OR2L13: variants seen among roughly 807,000 people sequenced by gnomAD.
OR2L13 encodes olfactory receptor 2L13.
A neutral mutation model predicts 15.3 loss-of-function variants in OR2L13; 14 were observed. The observed-to-expected ratio is 0.91, with a 90% confidence interval of 0.60 to 1.43. The LOEUF (loss-of-function observed/expected upper bound fraction) is 1.43, where lower values mean the gene tolerates loss of function less well. Among genes scored for constraint, OR2L13 ranks in the 40% most tolerant of loss-of-function variants. The pLI is 0.00. For synonymous variants in OR2L13, 152 were observed against 142.9 expected (o/e 1.06, Z -0.45); for missense variants, 367 against 387.9 (o/e 0.95, Z 0.45).
At chr1:248,051,484 C>G in the OR2L13 span, among the ~76,000 whole-genome samples, 1 of 152,064 alleles carries the variant, frequency 6.6e-6, no homozygotes. Context: ...GATGCAAAAA[C>G]AGAATAACAA....
the OR2L13 span, among the ~76,000 whole-genome samples, chr1:247,951,667 G>A: frequency 1.3e-5 from 2 of 152,192 alleles, no homozygotes; most frequent in Non-Finnish European, 2.9e-5. Flanking sequence ...GCAATGAGCA[G>A]TGTATATTTT....
chr1:248,010,155 G>T, the OR2L13 span, among the ~76,000 whole-genome samples: 2 of 152,160 alleles, frequency 1.3e-5, no homozygotes, highest in Admixed American at 6.5e-5. Flanking sequence ...AGTATTGGAA[G>T]TAGTGGCCAA....
intron 2 of OR2L13, among the ~76,000 whole-genome samples, 170 bp downstream of exon 2, chr1:248,098,945 A>G (rs1190025884): frequency 6.6e-6 from 1 of 152,372 alleles, no homozygotes; most frequent in African/African-American, 2.4e-5. Context: ...AAAAAGCTAG[A>G]CAAACTTTCC....
At chr1:248,010,890 C>T in the OR2L13 span, among the ~76,000 whole-genome samples, 3 of 146,322 alleles carry the variant, frequency 2.1e-5, no homozygotes, top group Admixed American at 7.0e-5. Context: ...ACCAATAGGT[C>T]TTGACTCTTT....
chr1:247,989,432 T>C, the OR2L13 span, among the ~76,000 whole-genome samples: 7 of 152,322 alleles, frequency 4.6e-5, no homozygotes, highest in Non-Finnish European at 8.8e-5. Context: ...GTTGCATGCA[T>C]ATGTTTTAAG....
the OR2L13 span, chr1:247,974,712 G>A: frequency 8.6e-6 from 2 of 232,388 alleles, no homozygotes; most frequent in South Asian, 8.4e-5. Context: ...TCTTTCTGCC[G>A]CCCTGCAGGA....
the OR2L13 span, among the ~76,000 whole-genome samples, chr1:248,052,033 C>A: frequency 1.3e-5 from 2 of 152,116 alleles, no homozygotes; most frequent in Non-Finnish European, 1.5e-5. Context: ...TTTTTACTTA[C>A]AATTTTTTCA....
the OR2L13 span, among the ~76,000 whole-genome samples, chr1:248,080,224 A>G: frequency 6.6e-6 from 1 of 152,196 alleles, no homozygotes; most frequent in Non-Finnish European, 1.5e-5. Flanking sequence ...ATGTAAATAA[A>G]TTGCACTTTG....
chr1:247,960,178 G>T, the OR2L13 span, among the ~76,000 whole-genome samples: 1 of 152,200 alleles, frequency 6.6e-6, no homozygotes, highest in Non-Finnish European at 1.5e-5. Flanking sequence ...CTCAGCTGCA[G>T]TTCTGTTGGA....
chr1:247,996,347 A>G, the OR2L13 span, among the ~76,000 whole-genome samples: 21 of 152,340 alleles, frequency 1.4e-4, no homozygotes, highest in Admixed American at 2.6e-4. Flanking sequence ...TTCTTTTCCA[A>G]ATTGGTAAAT....
At chr1:248,023,109 T>C in the OR2L13 span, 55 of 399,362 alleles carry the variant, frequency 1.4e-4, no homozygotes, top group African/African-American at 1.0e-3. Flanking sequence ...TATTTTACAC[T>C]AAATTGTAAG....
upstream of OR2L13, among the ~76,000 whole-genome samples, chr1:248,094,112 G>A (rs142997836): frequency 3.6e-3 from 545 of 151,956 alleles, 3 homozygotes; most frequent in African/African-American, 0.013. Context: ...TGAGGTAATA[G>A]GTACCCCAAA....
chr1:248,075,232 A>G, the OR2L13 span, among the ~76,000 whole-genome samples: 1 of 152,190 alleles, frequency 6.6e-6, no homozygotes, highest in Non-Finnish European at 1.5e-5. Context: ...ATAGTATTCC[A>G]TGGTGTATAT....
chr1:248,077,165 A>G, the OR2L13 span, among the ~76,000 whole-genome samples: 1 of 152,112 alleles, frequency 6.6e-6, no homozygotes, highest in Non-Finnish European at 1.5e-5. Context: ...TGTATATTGA[A>G]CCAGCCTTGC....
chr1:247,947,086 T>A, the OR2L13 span, among the ~76,000 whole-genome samples: 10 of 152,200 alleles, frequency 6.6e-5, no homozygotes, highest in Non-Finnish European at 1.2e-4. Context: ...TTTCTTACTT[T>A]GTCTTTTGAA....
At chr1:247,992,331 C>T in the OR2L13 span, among the ~76,000 whole-genome samples, 1 of 152,128 alleles carries the variant, frequency 6.6e-6, no homozygotes, top group African/African-American at 2.4e-5. Flanking sequence ...TTCCTGTCAA[C>T]AGTAGGCTAT....
chr1:248,042,091 A>G, the OR2L13 span: 2 of 152,216 alleles, frequency 1.3e-5, no homozygotes, highest in Admixed American at 1.3e-4. Context: ...AATAGCAAAG[A>G]CTTGGAACCA....
the OR2L13 span, among the ~76,000 whole-genome samples, chr1:247,953,273 G>A: frequency 6.6e-6 from 1 of 152,048 alleles, no homozygotes; most frequent in Non-Finnish European, 1.5e-5. Flanking sequence ...TTCTTTGTAT[G>A]CAAATGTTAT....
At chr1:248,100,273 A>C (rs1372743049) in exon 3 of OR2L13, 1 of 1,612,218 alleles carries the variant, frequency 6.2e-7, no homozygotes, top group South Asian at 1.1e-5. Context: ...CCTGGGGGCT[A>C]TGAGGAGAGT....
Sources: allele counts gnomAD v4.1 joint callset (sites outside exome capture counted in the v4.1 genomes callset), GRCh38; gene constraint gnomAD v4.1.1; transcripts MANE v1.5; gene names NCBI Gene and HGNC (gene_info 2026-07-23, HGNC 2026-07-21).